The following SMYD3 variants were observed in gnomAD, a reference collection of about 807,000 sequenced individuals.
SMYD3 encodes the protein histone-lysine N-methyltransferase SMYD3.
SMYD3 carries 36 observed loss-of-function variants against 57.7 expected under a neutral mutation model. The observed-to-expected ratio is 0.62, with a 90% CI of 0.48 to 0.82. The LOEUF (loss-of-function observed/expected upper bound fraction) is 0.82, where lower values mean the gene tolerates loss of function less well. Ranked by LOEUF, SMYD3 falls within the 40% of genes least tolerant of loss-of-function variation. The pLI, the probability that SMYD3 is intolerant of heterozygous loss-of-function variation, is 0.00. For synonymous variants in SMYD3, 211 were observed against 195.0 expected, an observed-to-expected ratio of 1.08 and a Z score of -0.68; for missense variants, 515 against 538.8, an observed-to-expected ratio of 0.96 and a Z score of 0.44.
At chr1:246,060,582 A>ATTTTTTTTTTTTTTTTTTTTTTTTTTTTT (rs1558191811) in intron 5 of SMYD3, among the ~76,000 whole-genome samples, 2 of 152,174 alleles carry the variant, frequency 1.3e-5, no homozygotes, top group African/African-American at 4.8e-5. Flanking sequence ...CATTTTAATA[A>ATTTTTTTTTTTTTTTTTTTTTTTTTTTTT]ATTTTTATGA....
At chr1:246,276,063 C>T (rs374606167) in intron 5 of SMYD3, among the ~76,000 whole-genome samples, 2 of 113,644 alleles carry the variant, frequency 1.8e-5, no homozygotes, top group Admixed American at 8.9e-5. Flanking sequence ...TATTTAATGT[C>T]TGTAGTGGAG....
intron 10 of SMYD3, among the ~76,000 whole-genome samples, chr1:245,806,792 C>T (rs955133487): frequency 2.6e-5 from 4 of 151,228 alleles, no homozygotes; most frequent in South Asian, 2.1e-4. Flanking sequence ...CGCCTGTAGT[C>T]CCAGCTACTC....
intron 5 of SMYD3, among the ~76,000 whole-genome samples, chr1:246,029,244 G>C (rs1169171531): frequency 6.6e-6 from 1 of 152,102 alleles, no homozygotes; most frequent in Non-Finnish European, 1.5e-5. Flanking sequence ...GTACAGCAAA[G>C]AAAACAATCA....
chr1:246,171,961 A>T (rs1224525556), intron 5 of SMYD3, among the ~76,000 whole-genome samples: 3 of 152,230 alleles, frequency 2.0e-5, no homozygotes, highest in Non-Finnish European at 4.4e-5. Context: ...CAGTGAGCCA[A>T]GATCACATCA....
chr1:246,361,207 A>T (rs2065981465), intron 1 of SMYD3, among the ~76,000 whole-genome samples: 1 of 152,208 alleles, frequency 6.6e-6, no homozygotes, highest in South Asian at 2.1e-4. Context: ...GCTCAACATC[A>T]CTAATTATCA....
intron 10 of SMYD3, among the ~76,000 whole-genome samples, chr1:245,798,407 T>TACACACACACACACACACAAAC (rs1402299710): frequency 6.7e-4 from 11 of 16,322 alleles, no homozygotes; most frequent in South Asian, 3.0e-3. Context: ...CACACACACA[T>TACACACACACACACACACAAAC]ACACACACAT....
rs73130338 is a variant in SMYD3 at position 245,961,364 on chromosome 1, T to C, written c.532-31427A>G. Among the ~76,000 whole-genome samples the C allele has an allele frequency of 9.0e-3, 1,364 of 152,316 alleles. 19 individuals are homozygous for C. The highest frequency in any genetic ancestry group is 0.031 in the African/African-American group (1,282 of 41,560). ...CTCCAATTTTAAGGGGAATGAATCT[T>C]TACAGAATGTACTTTATCTTGTCAG... is the stretch of plus-strand genomic sequence containing the variant. On this transcript the variant is annotated intron_variant, in intron 5 of 11. Coordinates refer to ENST00000490107, the MANE Select transcript of SMYD3 (RefSeq NM_001167740.2).
At chr1:246,452,245 C>A (rs1415546523) in intron 1 of SMYD3, among the ~76,000 whole-genome samples, 2 of 152,262 alleles carry the variant, frequency 1.3e-5, no homozygotes, top group East Asian at 3.9e-4. Context: ...GTGGCTCACA[C>A]CTGTAATTCT....
At chr1:246,444,314 C>T (rs182670550) in intron 1 of SMYD3, among the ~76,000 whole-genome samples, 55 of 152,094 alleles carry the variant, frequency 3.6e-4, no homozygotes, top group African/African-American at 1.2e-3. Context: ...TTGGTAGAGA[C>T]GGGGTTTCAC....
At chr1:246,405,102 C>CG (rs1393075912) in intron 1 of SMYD3, among the ~76,000 whole-genome samples, 4 of 152,030 alleles carry the variant, frequency 2.6e-5, no homozygotes, top group African/African-American at 9.7e-5. Flanking sequence ...CAGGTGTGCA[C>CG]GACCACACCT....
intron 5 of SMYD3, among the ~76,000 whole-genome samples, chr1:245,956,690 C>T (rs1421158338): frequency 6.6e-6 from 1 of 152,170 alleles, no homozygotes; most frequent in Non-Finnish European, 1.5e-5. Flanking sequence ...TCCCCTACTC[C>T]CCTGGGTATG....
At chr1:245,918,289 G>A (rs2055593962) in intron 7 of SMYD3, among the ~76,000 whole-genome samples, 1 of 152,188 alleles carries the variant, frequency 6.6e-6, no homozygotes, top group Non-Finnish European at 1.5e-5. Flanking sequence ...TTGGGTTCAG[G>A]TAACACTGAA....
At chr1:246,458,133 C>T (rs981534209) in intron 1 of SMYD3, among the ~76,000 whole-genome samples, 1 of 152,126 alleles carries the variant, frequency 6.6e-6, no homozygotes, top group African/African-American at 2.4e-5. Flanking sequence ...AAAGACTTCC[C>T]TGATGGCAGG....
At chr1:246,185,616 C>T (rs1329377425) in intron 5 of SMYD3, among the ~76,000 whole-genome samples, 2 of 152,086 alleles carry the variant, frequency 1.3e-5, no homozygotes, top group Admixed American at 6.5e-5. Flanking sequence ...CGCCCGCCAC[C>T]ACGCCCGGCT....
chr1:246,326,719 G>A (rs150060787), intron 5 of SMYD3: 45 of 279,318 alleles, frequency 1.6e-4, no homozygotes, highest in African/African-American at 9.6e-4. Context: ...AGCCGAGATC[G>A]CACCACTACA....
At chr1:246,240,151 A>T (rs1439643863) in intron 5 of SMYD3, among the ~76,000 whole-genome samples, 2 of 152,170 alleles carry the variant, frequency 1.3e-5, no homozygotes. Context: ...TGTTTTAGTC[A>T]TGAAGTCCTT....
chr1:245,802,271 T>G lies in SMYD3; in HGVS notation c.1077-38122A>C, dbSNP rs917584816. Among the ~76,000 whole-genome samples the G allele has an allele frequency of 1.4e-4, 21 of 152,320 alleles. No homozygotes were observed. In the Middle Eastern group the frequency reaches 0.01, roughly 74 times the overall value. On this transcript the variant is annotated intron_variant, in intron 10 of 11. Coordinates refer to ENST00000490107, the MANE Select transcript of SMYD3 (RefSeq NM_001167740.2). ...GGCATGGAGTTCTAGAAGTTCTCAG[T>G]GGCCACAAGCTCAGCAGGAGACAAC...
At chr1:246,471,374 T>C (rs2067960287) in intron 1 of SMYD3, among the ~76,000 whole-genome samples, 1 of 152,058 alleles carries the variant, frequency 6.6e-6, no homozygotes, top group Non-Finnish European at 1.5e-5. Flanking sequence ...AATTCTGTTT[T>C]TTTGTAGAGA....
chr1:246,210,519 C>T (rs2063068530), intron 5 of SMYD3, among the ~76,000 whole-genome samples: 1 of 151,840 alleles, frequency 6.6e-6, no homozygotes, highest in South Asian at 2.1e-4. Flanking sequence ...AGACCAGCCT[C>T]ACCAACATGG....
Sources: gnomAD v4.1 joint callset for allele counts (sites outside exome capture counted in the v4.1 genomes callset) on GRCh38, gnomAD v4.1.1 for gene constraint, MANE v1.5 for transcripts, NCBI Gene and HGNC (gene_info 2026-07-23, HGNC 2026-07-21) for gene names.